CEP295: variants seen among roughly 807,000 people sequenced by gnomAD.
CEP295 encodes the protein centrosomal protein 295.
CEP295 carries 190 observed loss-of-function variants against 291.6 expected under a neutral mutation model. The observed-to-expected ratio is 0.65, with a 90% confidence interval of 0.58 to 0.73. CEP295 has a LOEUF of 0.73. CEP295 is among the 30% of genes least tolerant of loss of function. The pLI, the probability that CEP295 is intolerant of heterozygous loss-of-function variation, is 0.00. For synonymous variants in CEP295, 993 were observed against 1,038.8 expected, an observed-to-expected ratio of 0.96 and a Z score of 0.85; for missense variants, 2,863 against 2,949.4, an observed-to-expected ratio of 0.97 and a Z score of 0.68.
At position 93,730,274 on chromosome 11, in the gene CEP295, C is replaced by G; in HGVS notation, c.*5C>G. 6.5e-7 allele frequency: 1 copy of G among 1,538,544 alleles called. No homozygotes were observed. Among genetic ancestry groups the G allele is most frequent in the Non-Finnish European group, 8.8e-7 (1 of 1,135,966 alleles). On this transcript the variant is annotated 3_prime_UTR_variant, in exon 30 of 30. Coordinates refer to ENST00000325212, the MANE Select transcript of CEP295 (RefSeq NM_033395.2). ...CGAGCCAAAAATACATGCTGACTTT[C>G]TAGAAATAGTGTAAAGGTTTTTTAA...
At chr11:93,710,223 A>G (rs1591107150) in intron 18 of CEP295, among the ~76,000 whole-genome samples, 1 of 152,236 alleles carries the variant, frequency 6.6e-6, no homozygotes, top group East Asian at 1.9e-4. Context: ...CTTAGAGGAA[A>G]GGCTTTCAGG....
intron 18 of CEP295, among the ~76,000 whole-genome samples, chr11:93,714,259 T>G (rs1953091669): frequency 6.6e-6 from 1 of 152,122 alleles, no homozygotes; most frequent in Non-Finnish European, 1.5e-5. Context: ...GTTTCTTTCT[T>G]TTCTTTTTTT....
chr11:93,707,908 T>G (rs1367657595), intron 18 of CEP295, among the ~76,000 whole-genome samples: 2 of 152,232 alleles, frequency 1.3e-5, no homozygotes, highest in Admixed American at 1.3e-4. Context: ...GATATTCTTT[T>G]GAGGGTTTAT....
At chr11:93,680,248 C>T (rs112918575) in intron 7 of CEP295, among the ~76,000 whole-genome samples, 14 of 152,228 alleles carry the variant, frequency 9.2e-5, no homozygotes, top group African/African-American at 2.4e-4. Context: ...TACCACTGCA[C>T]GCCAGCCTGG....
At chr11:93,727,711 G>C (rs1269813529) in intron 24 of CEP295, 74 bp downstream of exon 24, 1 of 1,204,922 alleles carries the variant, frequency 8.3e-7, no homozygotes, top group African/African-American at 1.5e-5. Flanking sequence ...TCTAAAATTA[G>C]AGATGAAGTT....
chr11:93,717,229 G>A (rs776378855), intron 18 of CEP295, among the ~76,000 whole-genome samples: 5 of 152,060 alleles, frequency 3.3e-5, no homozygotes, highest in South Asian at 2.1e-4. Flanking sequence ...CTTCTATTCC[G>A]TCTCTCTTGC....
Position 93,698,676 on chromosome 11 carries a change from A to G in CEP295, c.3764A>G (p.Asp1255Gly). Reference sequence around the variant, plus strand: ...TCACAACATATGCTACCTCTACAAGATAATTTGGAGGAACACCAAGCATGG... The same window carrying G: ...TCACAACATATGCTACCTCTACAAGGTAATTTGGAGGAACACCAAGCATGG... Reference protein sequence around the residue: ...RVSQHMLPLQDNLEEHQAWLD... With the variant: ...RVSQHMLPLQGNLEEHQAWLD... The change falls in exon 15 of 30, where the codon GAT becomes GGT. Residue 1255 changes from aspartate to glycine, a missense_variant. Physicochemically the swap from Asp to Gly is moderately conservative, Grantham distance 94. This residue lies in a region of CEP295 where 2,295 missense variants were observed against 2,335.7 expected (regional missense o/e 0.98). Transcript: ENST00000325212. 1 of 1,550,908 alleles carries G rather than the reference A, an allele frequency of 6.4e-7. No homozygotes were observed. The highest frequency in any genetic ancestry group is 8.7e-7 in the Non-Finnish European group (1 of 1,147,088).
Position 93,696,387 on chromosome 11 carries a change from A to C in CEP295, c.1739A>C (p.Asn580Thr), listed in dbSNP as rs539074311. The stretch of plus-strand genomic sequence containing the variant: ...GATAGTCATAGGCAGATGATTCGTA[A>C]CTATCAACATCAGCTTTTACAACAA... ...DEDSHRQMIR[N>T]YQHQLLQQNR... The change falls in exon 14 of 30, where the codon AAC (asparagine) becomes ACC (threonine). Residue 580 changes from asparagine (N) to threonine (T), a missense_variant. Asn to Thr is a moderately conservative substitution (Grantham distance 65, BLOSUM62 0). Around this residue, in one of 3 missense-constraint regions of CEP295, gnomAD observed 2,295 missense variants for 2,335.7 expected, o/e 0.98. Transcript: ENST00000325212. 3 of 1,549,332 alleles carry C rather than the reference A, an allele frequency of 1.9e-6. No individual in the cohort carries two copies. The African/African-American group carries it at 4.1e-5, about 21-fold the overall frequency.
chr11:93,666,686 G>A lies in CEP295; in HGVS notation c.-22G>A, dbSNP rs1950220766. 2 of 1,230,032 alleles carry A rather than the reference G, an allele frequency of 1.6e-6. No homozygotes were observed. Among genetic ancestry groups the A allele is most frequent in the Admixed American group, 2.3e-5 (1 of 44,072 alleles). 76.2% of individuals were successfully genotyped at this position (1,230,032 alleles called of 1,614,324 possible). On this transcript the variant is annotated 5_prime_UTR_variant, in exon 2 of 30. Coordinates refer to ENST00000325212, the MANE Select transcript of CEP295 (RefSeq NM_033395.2). ...CATTTTCCTTTTTGAATTCAGAACT[G>A]TCATACATAAAGTACACAGAAATGA...
At position 93,723,173 on chromosome 11, in the gene CEP295, A is replaced by G. The variant is rs867036947; in HGVS notation, c.6080A>G (p.His2027Arg). The G allele has an allele frequency of 5.8e-6, 9 of 1,552,184 alleles. No individual in the cohort carries two copies. In the Middle Eastern group the frequency reaches 8.3e-4, roughly 144 times the overall value. The change falls in exon 21 of 30, where the codon CAT (histidine) becomes CGT (arginine). Residue 2027 changes from histidine to arginine, a missense_variant. His to Arg is a conservative substitution (Grantham distance 29). Transcript: ENST00000325212. ...IYQRQNSSDV[H>R]KSLLPAVDET... is the part of the protein sequence containing the mutation. The stretch of plus-strand genomic sequence containing the variant: ...CAGCGGCAGAACTCTTCAGACGTTC[A>G]TAAATCTCTGTTGCCTGCAGTGGAT...
Position 93,695,612 on chromosome 11 carries a change from G to A in CEP295, c.1649G>A (p.Arg550Lys), listed in dbSNP as rs771826161. 13 of 1,440,828 alleles carry A rather than the reference G, an allele frequency of 9.0e-6. No individual in the cohort carries two copies. The highest frequency in any genetic ancestry group is 1.2e-5 in the Non-Finnish European group (13 of 1,098,266). The allele number at this position is 1,440,828 out of a possible 1,614,324, so 89.3% of individuals were successfully genotyped here. A position where few individuals can be genotyped will look rare whatever the true frequency, so the allele number is the denominator to read the frequency against. Residue 550 changes from arginine to lysine, a missense_variant, in exon 13 of 30, where the codon AGA (arginine) becomes AAA (lysine). Transcript: ENST00000325212. ...CFRAQLEEEK[R>K]KKTQPTGVGI... is the part of the protein sequence containing the mutation. ...AGGGCTCAGCTGGAAGAAGAAAAAAGAAAAAAAACTCAACCGACTGGGGTA... is the reference window on the plus strand; with the variant it reads ...AGGGCTCAGCTGGAAGAAGAAAAAAAAAAAAAAACTCAACCGACTGGGGTA...
intron 18 of CEP295, among the ~76,000 whole-genome samples, chr11:93,717,050 T>A (rs904716958): frequency 1.4e-4 from 22 of 152,232 alleles, no homozygotes; most frequent in Non-Finnish European, 3.2e-4. Flanking sequence ...CAGAGCACAT[T>A]AGATAATATT....
At chr11:93,701,597 TTTTGTTTG>T (rs374210234) in intron 15 of CEP295, among the ~76,000 whole-genome samples, 1 of 152,022 alleles carries the variant, frequency 6.6e-6, no homozygotes, top group Non-Finnish European at 1.5e-5. Context: ...TTTGTTTGTT[TTTTGTTTG>T]TTTGTTTGTT....
At chr11:93,674,127 T>C (rs1950576936) in intron 5 of CEP295, among the ~76,000 whole-genome samples, 1 of 151,934 alleles carries the variant, frequency 6.6e-6, no homozygotes, top group African/African-American at 2.4e-5. Context: ...CATGCCCATC[T>C]AATTTTTGTA....
rs1183481818 is a variant in CEP295 at position 93,729,911 on chromosome 11, G to C, written c.7609G>C (p.Ala2537Pro). Reference protein sequence around the residue: ...SRLKGVNKVRASFPEDRKTTQ... With the variant: ...SRLKGVNKVRPSFPEDRKTTQ... ...TCTAAAGGGCGTGAATAAAGTCAGA[G>C]CATCTTTTCCTGAAGACAGAAAGAC... The change falls in exon 28 of 30, where the codon GCA becomes CCA. Residue 2537 changes from alanine (A) to proline (P), a missense_variant. Physicochemically the swap from Ala to Pro is conservative, Grantham distance 27 (BLOSUM62 -1). This residue lies in a region of CEP295 where 2,295 missense variants were observed against 2,335.7 expected (regional missense o/e 0.98). Transcript: ENST00000325212. 3 of 1,549,620 alleles carry C rather than the reference G, an allele frequency of 1.9e-6. No individual in the cohort carries two copies. In the African/African-American group the frequency reaches 4.1e-5, roughly 21 times the overall value.
chr11:93,699,476 A>G lies in CEP295; in HGVS notation c.4564A>G (p.Ile1522Val). The change falls in exon 15 of 30, where the codon ATA becomes GTA. Residue 1522 changes from isoleucine to valine, a missense_variant. Coordinates refer to ENST00000325212, the MANE Select transcript of CEP295 (RefSeq NM_033395.2). ...LDTQKKAIRS[I>V]QEVQEELLLQ... ...TACACAGAAGAAAGCCATTCGATCT[A>G]TACAGGAAGTCCAAGAAGAATTGCT... 11 of 1,551,794 alleles carry G rather than the reference A, an allele frequency of 7.1e-6. No individual in the cohort carries two copies. Among genetic ancestry groups the G allele is most frequent in the Middle Eastern group, 1.7e-4 (1 of 5,992 alleles).
chr11:93,667,077 A>G (rs1168597473), intron 2 of CEP295, among the ~76,000 whole-genome samples: 2 of 152,246 alleles, frequency 1.3e-5, no homozygotes, highest in Non-Finnish European at 2.9e-5. Flanking sequence ...ATGGTCTGTA[A>G]TTGGTAACAG....
chr11:93,721,755 G>C (rs751633339), intron 19 of CEP295, 199 bp from the exon 20 acceptor site: 1 of 725,154 alleles, frequency 1.4e-6, no homozygotes, highest in East Asian at 2.6e-5. Context: ...GATTGAGGGT[G>C]GGGGGGTGCG....
chr11:93,666,212 C>T (rs541262619), intron 1 of CEP295, among the ~76,000 whole-genome samples: 68 of 152,282 alleles, frequency 4.5e-4, no homozygotes, highest in African/African-American at 1.6e-3. Flanking sequence ...TTTATAATTG[C>T]TATTTGTAAA....
Sources: gnomAD v4.1 joint callset for allele counts (sites outside exome capture counted in the v4.1 genomes callset) on GRCh38, gnomAD v4.1.1 for gene constraint, gnomAD v4.1.1 regional missense constraint, MANE v1.5 for transcripts, NCBI Gene and HGNC (gene_info 2026-07-23, HGNC 2026-07-21) for gene names.